The following SEMA4G variants were observed in gnomAD, a reference collection of about 807,000 sequenced individuals.
The protein encoded by SEMA4G is semaphorin 4G.
In SEMA4G, 59 loss-of-function variants were observed where a neutral mutation model predicts 81.2. The observed-to-expected ratio is 0.73, with a 90% CI of 0.59 to 0.90. The LOEUF (loss-of-function observed/expected upper bound fraction) is 0.90. SEMA4G is among the 40% of genes least tolerant of loss of function. The pLI is 0.00. For synonymous variants in SEMA4G, 404 were observed against 433.9 expected, an observed-to-expected ratio of 0.93 and a Z score of 0.86; for missense variants, 952 against 1,102.3, an observed-to-expected ratio of 0.86 and a Z score of 1.93.
At chr10:100,980,512 C>A in intron 10 of SEMA4G, 66 bp from the exon 12 acceptor site, 2 of 1,452,360 alleles carry the variant, frequency 1.4e-6, no homozygotes, top group South Asian at 1.2e-5. Context: ...TCGTATTAGG[C>A]CTCTTGCAGG....
downstream of SEMA4G, chr10:100,984,867 T>TGTGTGA (rs1279740182): frequency 6.7e-5 from 99 of 1,483,932 alleles, 2 homozygotes; most frequent in East Asian, 1.0e-3. Flanking sequence ...GCCTCCCCAC[T>TGTGTGA]CTCCTTGGTC....
At chr10:100,979,373 C>G (rs1245608493) in intron 8 of SEMA4G, 102 bp downstream of exon 9, 1 of 1,589,542 alleles carries the variant, frequency 6.3e-7, no homozygotes, top group Non-Finnish European at 8.6e-7. Context: ...GGAGGTCTGG[C>G]TGCAAAGTGA....
rs1301958846 is a variant in SEMA4G at position 100,984,690 on chromosome 10, C to T, written c.*559C>T. 10 of 1,536,264 alleles carry T rather than the reference C, an allele frequency of 6.5e-6. No homozygotes were observed. The South Asian group carries it at 9.5e-5, about 15-fold the overall frequency. ...TCTCCTGGTGCATTCTTGTTTCATC[C>T]CTGCTTCTGGACTTGGGGTACCCTC... On this transcript the variant is annotated 3_prime_UTR_variant, in exon 14 of 14. Transcript: ENST00000370250.
rs1453311918 is a variant in SEMA4G, at chr10:100,978,652, G to A, written c.643+12G>A. 1.9e-6 allele frequency: 3 copies of A among 1,609,830 alleles called. No individual in the cohort carries two copies. Among genetic ancestry groups the A allele is most frequent in the South Asian group, 1.1e-5 (1 of 90,996 alleles). Reference sequence around the variant, plus strand: ...GCATTGGCTCAATGGTTAGGAGGATGAGGCACAGGATGATGGGGGGTAGGG... The same window carrying A: ...GCATTGGCTCAATGGTTAGGAGGATAAGGCACAGGATGATGGGGGGTAGGG... On this transcript the variant is annotated intron_variant, in intron 6 of 13. Coordinates refer to ENST00000370250, the Ensembl canonical transcript of SEMA4G.
chr10:100,981,316 G>C, intron 13 of SEMA4G, 87 bp downstream of exon 14: 1 of 1,596,932 alleles, frequency 6.3e-7, no homozygotes, highest in Non-Finnish European at 8.6e-7. Context: ...GTTTGTATCT[G>C]AGTGGCTGTG....
At chr10:100,971,687 T>G (rs974521103), upstream of SEMA4G, among the ~76,000 whole-genome samples, 14 of 152,066 alleles carry the variant, frequency 9.2e-5, no homozygotes, top group African/African-American at 3.4e-4. Context: ...AACCCCTTGG[T>G]GATTAGGAGG....
chr10:100,984,888 GT>G (rs1564801613), downstream of SEMA4G: 1 of 1,468,828 alleles, frequency 6.8e-7, no homozygotes, highest in Admixed American at 2.2e-5. Context: ...ATTCTCAAGA[GT>G]ATGAGAGACA....
chr10:100,984,587 A>T, exon 14 of SEMA4G: 1 of 1,536,144 alleles, frequency 6.5e-7, no homozygotes, highest in Non-Finnish European at 8.7e-7. Flanking sequence ...TCTGCCAGCC[A>T]CCTAAGCCCT....
chr10:100,981,626 T>C, intron 13 of SEMA4G: 2 of 1,504,052 alleles, frequency 1.3e-6, no homozygotes, highest in Non-Finnish European at 1.8e-6. Context: ...TAAATACTTC[T>C]ATGCATGATG....
At chr10:100,976,696 C>G (rs1263612522) in intron 3 of SEMA4G, among the ~76,000 whole-genome samples, 3 of 152,156 alleles carry the variant, frequency 2.0e-5, no homozygotes, top group Non-Finnish European at 4.4e-5. Flanking sequence ...GGTAAAATAT[C>G]TCTGGAAGGA....
In SEMA4G at chr10:100,972,959, C is replaced by A. The variant is rs762257142; in HGVS notation, c.47C>A (p.Thr16Asn). 3.1e-6 allele frequency: 5 copies of A among 1,613,602 alleles called. 1 individual carries two copies. The Admixed American group carries it at 8.4e-5, about 27-fold the overall frequency. The change falls in exon 1 of 14, where the codon ACT (threonine) becomes AAT (asparagine). Residue 16 changes from threonine to asparagine, a missense_variant. Thr to Asn is a moderately conservative substitution (Grantham distance 65). Transcript: ENST00000370250. The stretch of plus-strand genomic sequence containing the variant: ...CTCCTCCTCAGCATCCTCACAGCAA[C>A]TGCAGTCCCAGGACCCTCACTGCGG...
downstream of SEMA4G, chr10:100,985,171 A>AGGGAAAGG (rs1237569905): frequency 5.5e-6 from 2 of 365,962 alleles, no homozygotes; most frequent in Non-Finnish European, 9.8e-6. Flanking sequence ...AGACTACAGC[A>AGGGAAAGG]GGGAAAGGGA....
chr10:100,973,367 C>A lies in SEMA4G; in HGVS notation c.273+90C>A. On this transcript the variant is annotated intron_variant, in intron 2 of 13. Transcript: ENST00000370250. The surrounding 1 kb of genome is among the most constrained non-coding windows in gnomAD (Gnocchi z 5.5). ...ACTTCCTTAAAACCCTGCCAGCCTTCCATAGCCCCCTGGTCAGACAGCACT... is the reference window on the plus strand; with the variant it reads ...ACTTCCTTAAAACCCTGCCAGCCTTACATAGCCCCCTGGTCAGACAGCACT... The A allele has an allele frequency of 2.0e-6, 3 of 1,524,112 alleles. No individual in the cohort carries two copies. The highest frequency in any genetic ancestry group is 1.9e-5 in the Admixed American group (1 of 53,536). The allele number at this position is 1,524,112 out of a possible 1,614,324, so 94.4% of individuals were successfully genotyped here.
intron 6 of SEMA4G, 79 bp from the exon 8 acceptor site, chr10:100,978,770 A>C: frequency 6.4e-7 from 1 of 1,573,980 alleles, no homozygotes. Flanking sequence ...GTGTGTTGTC[A>C]AGTGAGGGGT....
At chr10:100,980,398 G>T in intron 10 of SEMA4G, 54 bp downstream of exon 11, 1 of 1,534,760 alleles carries the variant, frequency 6.5e-7, no homozygotes, top group South Asian at 1.1e-5. Flanking sequence ...TAATGCTTCT[G>T]AATCCATTAA....
upstream of SEMA4G, among the ~76,000 whole-genome samples, chr10:100,972,204 T>C (rs898805455): frequency 1.3e-5 from 2 of 152,066 alleles, no homozygotes; most frequent in African/African-American, 4.8e-5. Context: ...TGCATCTCAT[T>C]GTTGGGAGAA....
At chr10:100,980,236 C>T (rs149116714) in exon 10 of SEMA4G, 20 of 1,614,140 alleles carry the variant, frequency 1.2e-5, no homozygotes, top group Non-Finnish European at 1.6e-5. Context: ...TGTGCCCACA[C>T]GTGGACGGCC....
chr10:100,972,909 G>A (rs1402602510), exon 1 of SEMA4G: 6 of 1,602,550 alleles, frequency 3.7e-6, no homozygotes, highest in East Asian at 2.2e-5. Flanking sequence ...GCCTCCCCAG[G>A]AAGATGTGGG....
rs1423722460 is a variant in SEMA4G, at chr10:100,981,014, G to A, written c.1628+32G>A. ...GGGAAGCAGGTGGGAAGTGGTGGGG[G>A]GTGACAGTCACATGTGGTCTGAGTG... On this transcript the variant is annotated intron_variant, in intron 12 of 13. Transcript: ENST00000370250. 2.5e-6 allele frequency: 4 copies of A among 1,593,004 alleles called. No individual in the cohort carries two copies. Among genetic ancestry groups the A allele is most frequent in the Non-Finnish European group, 3.4e-6 (4 of 1,170,178 alleles).
Sources: gnomAD v4.1 joint callset for allele counts (sites outside exome capture counted in the v4.1 genomes callset) on GRCh38, gnomAD v4.1.1 for gene constraint, Gnocchi (gnomAD v3.1) non-coding constraint, MANE v1.5 for transcripts, NCBI Gene and HGNC (gene_info 2026-07-23, HGNC 2026-07-21) for gene names.